NRXN3: variants seen among roughly 807,000 people sequenced by gnomAD.
NRXN3 encodes the protein neurexin 3.
A neutral mutation model predicts 137.6 loss-of-function variants in NRXN3; 32 were observed. That is an observed-to-expected ratio of 0.23 (90% CI 0.18 to 0.31). NRXN3 has a LOEUF of 0.31. Ranked by LOEUF, NRXN3 falls within the 10% of genes least tolerant of loss-of-function variation. NRXN3 has a pLI of 1.00. For missense variants in NRXN3, 1,574 were observed against 2,062.5 expected, an observed-to-expected ratio of 0.76 and a Z score of 4.59; for synonymous variants, 798 against 784.5, an observed-to-expected ratio of 1.02 and a Z score of -0.29.
chr14:79,749,330 G>T (rs2098989841), intron 19 of NRXN3, among the ~76,000 whole-genome samples: 1 of 152,112 alleles, frequency 6.6e-6, no homozygotes, highest in African/African-American at 2.4e-5. Flanking sequence ...GATGGTGCCT[G>T]CTCATAGTGG....
intron 15 of NRXN3, chr14:79,280,264 C>G (rs746577540): frequency 4.3e-6 from 7 of 1,612,580 alleles, no homozygotes; most frequent in Admixed American, 1.7e-5. Flanking sequence ...TTCAAACTGC[C>G]CATCTGTAGT....
chr14:79,377,252 A>G (rs895168095), intron 15 of NRXN3, among the ~76,000 whole-genome samples: 1 of 152,232 alleles, frequency 6.6e-6, no homozygotes, highest in Non-Finnish European at 1.5e-5. Context: ...AATGTTTCAC[A>G]GAAGATATTG....
chr14:78,244,448 A>AG (rs397971672), intron 2 of NRXN3, among the ~76,000 whole-genome samples: 5 of 151,810 alleles, frequency 3.3e-5, no homozygotes, highest in African/African-American at 1.2e-4. Context: ...AAAAAAAAAA[A>AG]GAAAAGAAAT....
intron 4 of NRXN3, among the ~76,000 whole-genome samples, chr14:78,346,839 GGGAGCA>G (rs1298626921): frequency 6.6e-6 from 1 of 152,184 alleles, no homozygotes; most frequent in Non-Finnish European, 1.5e-5. Flanking sequence ...CCCAGTGGGA[GGGAGCA>G]GGAGCAGGTG....
intron 10 of NRXN3, among the ~76,000 whole-genome samples, chr14:78,867,895 T>A (rs1315330049): frequency 1.3e-5 from 2 of 151,220 alleles, no homozygotes; most frequent in African/African-American, 4.8e-5. Context: ...TTTATATAAA[T>A]AAATATATGC....
At chr14:78,209,834 C>T (rs1038289199) in intron 1 of NRXN3, among the ~76,000 whole-genome samples, 1 of 152,192 alleles carries the variant, frequency 6.6e-6, no homozygotes, top group Non-Finnish European at 1.5e-5. Flanking sequence ...TTGCAGTCCT[C>T]TCCCTCAGCA....
chr14:79,295,502 T>G (rs2083921746), intron 15 of NRXN3, among the ~76,000 whole-genome samples: 1 of 152,204 alleles, frequency 6.6e-6, no homozygotes, highest in African/African-American at 2.4e-5. Context: ...TCCTTATGTG[T>G]GTATTGCTTC....
chr14:79,111,719 TAGAG>T (rs929903642), intron 15 of NRXN3, among the ~76,000 whole-genome samples: 8 of 141,250 alleles, frequency 5.7e-5, no homozygotes, highest in Non-Finnish European at 1.0e-4. Context: ...GCCTGGGTGA[TAGAG>T]AGACTCCATC....
intron 15 of NRXN3, among the ~76,000 whole-genome samples, chr14:79,148,983 A>T (rs1682264810): frequency 1.3e-5 from 2 of 152,134 alleles, no homozygotes; most frequent in African/African-American, 4.8e-5. Context: ...AAGCAGTGAG[A>T]ATCCTAACAT....
intron 15 of NRXN3, among the ~76,000 whole-genome samples, chr14:79,442,290 A>ACAGAAC (rs1418040788): frequency 6.6e-6 from 1 of 152,194 alleles, no homozygotes; most frequent in African/African-American, 2.4e-5. Flanking sequence ...TCTCAGGAAA[A>ACAGAAC]CAGAACCAAG....
At chr14:79,187,585 AAAAT>A in intron 15 of NRXN3, among the ~76,000 whole-genome samples, 1 of 2,646 alleles carries the variant, frequency 3.8e-4, no homozygotes. Context: ...ATGATTCTTA[AAAAT>A]GTGTAAGCAT....
intron 3 of NRXN3, among the ~76,000 whole-genome samples, chr14:78,293,020 C>T (rs559034078): frequency 1.3e-5 from 2 of 152,226 alleles, no homozygotes; most frequent in South Asian, 4.2e-4. Context: ...ACTCTGTTTC[C>T]TTTGTTGCTA....
At chr14:79,787,192 G>A (rs1159363370) in intron 19 of NRXN3, among the ~76,000 whole-genome samples, 1 of 152,114 alleles carries the variant, frequency 6.6e-6, no homozygotes, top group South Asian at 2.1e-4. Flanking sequence ...ATGGACCACT[G>A]AGGCATTTTC....
At chr14:79,599,326 ATC>A (rs1434858953) in intron 16 of NRXN3, among the ~76,000 whole-genome samples, 2 of 152,168 alleles carry the variant, frequency 1.3e-5, no homozygotes, top group Non-Finnish European at 2.9e-5. Context: ...CCTGATAAGC[ATC>A]TGTGTTGTGA....
intron 16 of NRXN3, among the ~76,000 whole-genome samples, chr14:79,650,045 G>A (rs1340331724): frequency 2.6e-5 from 4 of 152,066 alleles, no homozygotes; most frequent in South Asian, 4.1e-4. Context: ...TTCTATCTCC[G>A]GGCAGGTAGT....
At chr14:79,586,069 G>A (rs2097763347) in intron 16 of NRXN3, among the ~76,000 whole-genome samples, 1 of 152,196 alleles carries the variant, frequency 6.6e-6, no homozygotes, top group Admixed American at 6.5e-5. Context: ...TGACTTTTCA[G>A]TTTTCTTTTC....
At chr14:78,633,891 C>T (rs2097544202) in intron 4 of NRXN3, among the ~76,000 whole-genome samples, 1 of 152,214 alleles carries the variant, frequency 6.6e-6, no homozygotes, top group African/African-American at 2.4e-5. Flanking sequence ...TTTTAACAAG[C>T]CACTCTGTCT....
chr14:79,595,797 T>G (rs141464881), intron 16 of NRXN3, among the ~76,000 whole-genome samples: 392 of 152,312 alleles, frequency 2.6e-3, no homozygotes, highest in African/African-American at 9.0e-3. Flanking sequence ...CTTTGTACAG[T>G]TTTTAAATGT....
intron 10 of NRXN3, among the ~76,000 whole-genome samples, chr14:78,883,391 G>A (rs1026498659): frequency 6.6e-6 from 1 of 152,274 alleles, no homozygotes; most frequent in African/African-American, 2.4e-5. Context: ...ATGAATTATA[G>A]AGGAGGAACC....
Sources: gnomAD v4.1 joint callset for allele counts (sites outside exome capture counted in the v4.1 genomes callset) on GRCh38, gnomAD v4.1.1 for gene constraint, MANE v1.5 for transcripts, NCBI Gene and HGNC (gene_info 2026-07-23, HGNC 2026-07-21) for gene names.